Variants in ITPRID1 observed in about 807,000 individuals in gnomAD.
ITPRID1 encodes ITPR interacting domain containing 1, also known as protein ITPRID1.
A neutral mutation model predicts 95.4 loss-of-function variants in ITPRID1; 96 were observed. The ratio of observed to expected loss-of-function variants is 1.01; its 90% CI spans 0.85 to 1.19. ITPRID1 has a LOEUF of 1.19. ITPRID1 is among the 50% of genes most tolerant of loss of function. The probability of loss-of-function intolerance (pLI) is 0.00; values close to 1 mark genes in which losing one functional copy is unlikely to be tolerated. For missense variants in ITPRID1, 1,339 were observed against 1,252.9 expected (o/e 1.07, Z -1.04); for synonymous variants, 510 against 453.6 (o/e 1.12, Z -1.58).
At chr7:31,565,671 G>C (rs1161771487) in intron 5 of ITPRID1, among the ~76,000 whole-genome samples, 1 of 152,172 alleles carries the variant, frequency 6.6e-6, no homozygotes, top group African/African-American at 2.4e-5. Flanking sequence ...CTGAGAAGCG[G>C]AGGTTGCAGT....
chr7:31,576,471 T>A (rs1785186634), intron 8 of ITPRID1, among the ~76,000 whole-genome samples: 1 of 152,182 alleles, frequency 6.6e-6, no homozygotes. Flanking sequence ...TGTAAAGCAA[T>A]CATAAAAGTT....
chr7:31,574,442 C>T, intron 7 of ITPRID1, 98 bp from the exon 8 acceptor site: 1 of 1,053,334 alleles, frequency 9.5e-7, no homozygotes, highest in Non-Finnish European at 1.4e-6. Flanking sequence ...GATCCTCTTT[C>T]ACTCAGTATC....
intron 10 of ITPRID1, among the ~76,000 whole-genome samples, chr7:31,610,721 T>A (rs1181424174): frequency 1.3e-5 from 2 of 151,612 alleles, no homozygotes; most frequent in Non-Finnish European, 3.0e-5. Flanking sequence ...AATTTTTATC[T>A]TATTGTCTAT....
chr7:31,574,043 TAA>T (rs1386042779), intron 7 of ITPRID1, among the ~76,000 whole-genome samples: 1 of 152,156 alleles, frequency 6.6e-6, no homozygotes, highest in Non-Finnish European at 1.5e-5. Context: ...TCATTATTTG[TAA>T]ACATCAGTCC....
At chr7:31,614,728 A>G (rs1336321799) in intron 10 of ITPRID1, among the ~76,000 whole-genome samples, 2 of 152,118 alleles carry the variant, frequency 1.3e-5, no homozygotes, top group African/African-American at 2.4e-5. Context: ...GAGCTGCATT[A>G]TAGTGGGTGG....
intron 1 of ITPRID1, among the ~76,000 whole-genome samples, chr7:31,528,309 A>C (rs1177176725): frequency 6.6e-6 from 1 of 152,228 alleles, no homozygotes; most frequent in Non-Finnish European, 1.5e-5. Flanking sequence ...TTAAAGATCA[A>C]GTCTATTAAA....
At chr7:31,626,122 C>G in intron 10 of ITPRID1, among the ~76,000 whole-genome samples, 1 of 151,870 alleles carries the variant, frequency 6.6e-6, no homozygotes, top group Admixed American at 6.6e-5. Flanking sequence ...CATGTTTTAC[C>G]AAGAAAAAAG....
intron 1 of ITPRID1, among the ~76,000 whole-genome samples, chr7:31,525,680 A>C (rs1345461097): frequency 6.6e-6 from 1 of 152,202 alleles, no homozygotes; most frequent in Non-Finnish European, 1.5e-5. Context: ...ATGATGTGTC[A>C]AATTTAACTC....
chr7:31,654,020 T>G lies in ITPRID1; in HGVS notation c.*1191T>G, dbSNP rs1391191747. Among the ~76,000 whole-genome samples the G allele has an allele frequency of 6.7e-6, 1 of 149,996 alleles. No homozygotes were observed. Among genetic ancestry groups the G allele is most frequent in the Non-Finnish European group, 1.5e-5 (1 of 67,774 alleles). Reference sequence around the variant, plus strand: ...AGCCATAAATAAGACAGATGGACTTTCTACTCAGAAAGAGTTGGATGAAGA... The same window carrying G: ...AGCCATAAATAAGACAGATGGACTTGCTACTCAGAAAGAGTTGGATGAAGA... On this transcript the variant is annotated 3_prime_UTR_variant, in exon 15 of 15. Transcript: ENST00000615280.
At chr7:31,521,620 CT>C (rs1783254614) in intron 1 of ITPRID1, among the ~76,000 whole-genome samples, 4 of 69,728 alleles carry the variant, frequency 5.7e-5, no homozygotes, top group Admixed American at 1.3e-4. Flanking sequence ...TCTCCTTTCC[CT>C]CCTTCCTTCC....
At chr7:31,619,045 G>A (rs1202115277) in intron 10 of ITPRID1, among the ~76,000 whole-genome samples, 1 of 152,144 alleles carries the variant, frequency 6.6e-6, no homozygotes, top group Non-Finnish European at 1.5e-5. Flanking sequence ...TCTCTTCCCT[G>A]ATTCCATACT....
In ITPRID1 at chr7:31,654,793, G is replaced by A. The variant is rs542096241; in HGVS notation, c.*1964G>A. Among the ~76,000 whole-genome samples, 2 of 152,272 alleles carry A rather than the reference G, an allele frequency of 1.3e-5. No individual in the cohort carries two copies. Among genetic ancestry groups the A allele is most frequent in the East Asian group, 3.9e-4 (2 of 5,174 alleles). On this transcript the variant is annotated 3_prime_UTR_variant, in exon 15 of 15. Coordinates refer to ENST00000615280, the MANE Select transcript of ITPRID1 (RefSeq NM_001257967.3). ...TAATTTGTATGAAAAGATGGTCAAA[G>A]GAGAGGTCACTTCTTAGCAAGTAAC...
chr7:31,553,791 G>A (rs1784362573), intron 3 of ITPRID1, among the ~76,000 whole-genome samples: 1 of 152,146 alleles, frequency 6.6e-6, no homozygotes, highest in Admixed American at 6.6e-5. Context: ...TATTTGATAG[G>A]ATAAAGTCAA....
At position 31,544,946 on chromosome 7, in the gene ITPRID1, A is replaced by G. The variant is rs115848500; in HGVS notation, c.-97-4480A>G. Among the ~76,000 whole-genome samples, 366 of 152,258 alleles carry G rather than the reference A, an allele frequency of 2.4e-3. 1 individual carries two copies. Among genetic ancestry groups the G allele is most frequent in the African/African-American group, 8.2e-3 (341 of 41,574 alleles). ...TATTGCTAATCATCCACTGTTATCT[A>G]TATCTTGAACTAAGTACCACAAATA... On this transcript the variant is annotated intron_variant, in intron 1 of 14. Coordinates refer to ENST00000615280, the MANE Select transcript of ITPRID1 (RefSeq NM_001257967.3).
chr7:31,518,539 GA>G (rs1455495922), intron 1 of ITPRID1, among the ~76,000 whole-genome samples: 1 of 152,174 alleles, frequency 6.6e-6, no homozygotes, highest in East Asian at 1.9e-4. Flanking sequence ...AAGGCCCTTT[GA>G]GTTTGACCTT....
intron 5 of ITPRID1, among the ~76,000 whole-genome samples, chr7:31,566,841 C>T (rs530358444): frequency 1.1e-4 from 16 of 152,112 alleles, no homozygotes; most frequent in South Asian, 2.1e-4. Flanking sequence ...GCAAGAATGC[C>T]GCAATGGATT....
At chr7:31,571,732 G>T (rs565096992) in intron 6 of ITPRID1, among the ~76,000 whole-genome samples, 1 of 152,262 alleles carries the variant, frequency 6.6e-6, no homozygotes, top group African/African-American at 2.4e-5. Flanking sequence ...CTTCAGTGAC[G>T]GCTGGCTGTA....
At chr7:31,594,577 C>T (rs1785998492) in intron 10 of ITPRID1, among the ~76,000 whole-genome samples, 1 of 152,050 alleles carries the variant, frequency 6.6e-6, no homozygotes, top group South Asian at 2.1e-4. Flanking sequence ...GAGCTTTTGG[C>T]TGGGTGTGGT....
At chr7:31,553,593 T>G (rs1424967175) in intron 3 of ITPRID1, among the ~76,000 whole-genome samples, 1 of 152,210 alleles carries the variant, frequency 6.6e-6, no homozygotes, top group African/African-American at 2.4e-5. Context: ...GAGTAATAAG[T>G]AAGAAAATAC....
Sources: allele counts gnomAD v4.1 joint callset (sites outside exome capture counted in the v4.1 genomes callset), GRCh38; gene constraint gnomAD v4.1.1; transcripts MANE v1.5; gene names NCBI Gene and HGNC (gene_info 2026-07-23, HGNC 2026-07-21).